Variants in SPAG9 observed in about 807,000 individuals in gnomAD.
SPAG9 encodes C-Jun-amino-terminal kinase-interacting protein 4.
A neutral mutation model predicts 166.5 loss-of-function variants in SPAG9; 35 were observed. The observed-to-expected ratio is 0.21, with a 90% CI of 0.16 to 0.28. The LOEUF is 0.28. SPAG9 is among the 10% of genes least tolerant of loss of function. The pLI is 1.00. For missense variants in SPAG9, 1,235 were observed against 1,603.3 expected (o/e 0.77, Z 3.92); for synonymous variants, 534 against 565.5 (o/e 0.94, Z 0.79).
intron 1 of SPAG9, among the ~76,000 whole-genome samples, chr17:51,094,196 A>G (rs1315056691): frequency 1.3e-5 from 2 of 152,220 alleles, no homozygotes; most frequent in Non-Finnish European, 2.9e-5. Context: ...AAGAGGCAGT[A>G]AACTGTATCC....
chr17:51,120,792 C>A lies in SPAG9; in HGVS notation c.-136G>T. On this transcript the variant is annotated 5_prime_UTR_variant, in exon 1 of 30. Transcript: ENST00000262013. This position sits in a 1 kb window ranked among gnomAD's most constrained non-coding sequence, Gnocchi z 4.7. ...GGGCCGGGGCTGGGGCTGGGCCCGG[C>A]GGGGTGGGGGCCGGGGCCGGAGGAG... The A allele has an allele frequency of 3.2e-6, 2 of 628,608 alleles. No homozygotes were observed. Among genetic ancestry groups the A allele is most frequent in the Non-Finnish European group, 4.8e-6 (2 of 416,512 alleles). 38.9% of individuals were successfully genotyped at this position (628,608 alleles called of 1,614,324 possible).
intron 5 of SPAG9, among the ~76,000 whole-genome samples, chr17:51,035,571 A>G (rs1377951615): frequency 1.3e-5 from 2 of 152,222 alleles, no homozygotes; most frequent in African/African-American, 4.8e-5. Flanking sequence ...TTCTCTCAAC[A>G]AGAATGCTGG....
intron 23 of SPAG9, 145 bp downstream of exon 23, chr17:50,985,553 T>C: frequency 3.5e-6 from 2 of 570,320 alleles, no homozygotes; most frequent in Non-Finnish European, 6.2e-6. Flanking sequence ...ACTTAACTTC[T>C]CTAGTTCCAT....
At chr17:51,100,708 T>G (rs369015981) in intron 1 of SPAG9, among the ~76,000 whole-genome samples, 3 of 152,026 alleles carry the variant, frequency 2.0e-5, no homozygotes, top group Non-Finnish European at 4.4e-5. Flanking sequence ...TCAACTGAGG[T>G]TGGGAGTTCC....
chr17:50,970,576 T>A, intron 29 of SPAG9, 131 bp downstream of exon 29: 14 of 598,818 alleles, frequency 2.3e-5, no homozygotes, highest in Admixed American at 3.7e-5. Flanking sequence ...ACCCACAAAA[T>A]CCTTTCGTGT....
At chr17:51,046,969 A>G in intron 4 of SPAG9, 1 of 1,391,488 alleles carries the variant, frequency 7.2e-7, no homozygotes, top group Non-Finnish European at 9.4e-7. Flanking sequence ...CTGAAGATCT[A>G]CATAATTTAT....
At chr17:50,999,481 T>A in intron 14 of SPAG9, 180 bp downstream of exon 14, 1 of 1,509,134 alleles carries the variant, frequency 6.6e-7, no homozygotes, top group Non-Finnish European at 8.8e-7. Flanking sequence ...CTTACCGAGT[T>A]GGCACACTAT....
chr17:51,013,210 AC>A (rs1280006171), intron 9 of SPAG9, among the ~76,000 whole-genome samples: 1 of 152,232 alleles, frequency 6.6e-6, no homozygotes, highest in Non-Finnish European at 1.5e-5. Context: ...CTATAATTAT[AC>A]CAATAGATAC....
chr17:51,113,967 C>T (rs1359151230), intron 1 of SPAG9, among the ~76,000 whole-genome samples: 1 of 152,266 alleles, frequency 6.6e-6, no homozygotes, highest in East Asian at 1.9e-4. Context: ...TGCACTCTGG[C>T]CTGGGCAACA....
chr17:51,058,438 C>A (rs949275521), intron 2 of SPAG9, among the ~76,000 whole-genome samples: 1 of 152,176 alleles, frequency 6.6e-6, no homozygotes, highest in South Asian at 2.1e-4. Context: ...CAAAGTCACA[C>A]AGATAGAAAA....
intron 2 of SPAG9, among the ~76,000 whole-genome samples, chr17:51,068,016 C>CG (rs1369251847): frequency 1.2e-4 from 18 of 152,108 alleles, no homozygotes; most frequent in Non-Finnish European, 2.1e-4. Flanking sequence ...GATAGGCCTA[C>CG]GGGGGGAAGA....
intron 2 of SPAG9, among the ~76,000 whole-genome samples, chr17:51,077,249 G>A (rs1367653252): frequency 2.0e-5 from 3 of 151,352 alleles, no homozygotes; most frequent in Admixed American, 6.6e-5. Context: ...TCAGCCTCCC[G>A]AGGAGCTGAG....
At chr17:51,040,394 G>T (rs1331560310) in intron 5 of SPAG9, 1 of 152,138 alleles carries the variant, frequency 6.6e-6, no homozygotes, top group Non-Finnish European at 1.5e-5. Context: ...TTTTCAGTGG[G>T]AGAAAAGCTA....
chr17:51,017,114 G>A (rs2045730889), intron 8 of SPAG9, among the ~76,000 whole-genome samples: 2 of 152,162 alleles, frequency 1.3e-5, no homozygotes, highest in African/African-American at 4.8e-5. Context: ...TAGCATCACA[G>A]CCTTTTTCAA....
chr17:51,054,902 T>C (rs1598095909), intron 3 of SPAG9, among the ~76,000 whole-genome samples: 1 of 152,162 alleles, frequency 6.6e-6, no homozygotes, highest in African/African-American at 2.4e-5. Context: ...AAGATTGTAA[T>C]AATCAAATCT....
Position 50,970,713 on chromosome 17 carries a change from G to A in SPAG9, c.3844C>T (p.Arg1282Ter). The A allele has an allele frequency of 1.2e-6, 2 of 1,613,532 alleles. No homozygotes were observed. The highest frequency in any genetic ancestry group is 8.5e-7 in the Non-Finnish European group (1 of 1,179,634). The change falls in exon 29 of 30, where the codon CGA (arginine) becomes TGA (stop). Residue 1282 changes from arginine to a stop codon, truncating the protein, a stop_gained. Coordinates refer to ENST00000262013, the MANE Select transcript of SPAG9 (RefSeq NM_001130528.3). LOFTEE classifies it high-confidence loss of function. Reference protein sequence around the residue: ...ISGGEGYIDFRMGDEGGESEL... With the variant: ...ISGGEGYIDF ...CCCAGAACCAATGACATACCCATTC[G>A]GAAGTCGATGTAGCCCTCTCCTCCA...
At chr17:51,007,220 G>T in intron 10 of SPAG9, 49 bp downstream of exon 10, 1 of 1,103,696 alleles carries the variant, frequency 9.1e-7, no homozygotes, top group Non-Finnish European at 1.3e-6. Context: ...CATTGACTTG[G>T]ACAAGAAGAA....
intron 1 of SPAG9, among the ~76,000 whole-genome samples, chr17:51,102,876 C>A (rs2048845586): frequency 1.3e-5 from 2 of 152,066 alleles, no homozygotes; most frequent in South Asian, 2.1e-4. Context: ...GAATCCTGGG[C>A]TCAATCTCTT....
At chr17:51,020,659 C>T (rs1406697651) in intron 7 of SPAG9, among the ~76,000 whole-genome samples, 9 of 152,152 alleles carry the variant, frequency 5.9e-5, no homozygotes, top group African/African-American at 2.2e-4. Context: ...TAGTTTCTCT[C>T]CAAGACTATT....
Sources: allele counts gnomAD v4.1 joint callset (sites outside exome capture counted in the v4.1 genomes callset), GRCh38; gene constraint gnomAD v4.1.1; non-coding constraint Gnocchi (gnomAD v3.1); transcripts MANE v1.5; gene names NCBI Gene and HGNC (gene_info 2026-07-23, HGNC 2026-07-21).